The following RAD51AP2 variants were observed in gnomAD, a reference collection of about 807,000 sequenced individuals.
The protein encoded by RAD51AP2 is RAD51 associated protein 2, also known as RAD51-associated protein 2.
RAD51AP2 carries 67 observed loss-of-function variants against 85.5 expected under a neutral mutation model. That is an observed-to-expected ratio of 0.78 (90% CI 0.64 to 0.96). RAD51AP2 has a LOEUF of 0.96. Among genes scored for constraint, RAD51AP2 ranks in the 40% least tolerant of loss-of-function variants. The probability of loss-of-function intolerance (pLI) is 0.00; values close to 1 mark genes in which losing one functional copy is unlikely to be tolerated. For synonymous variants in RAD51AP2, 474 were observed against 446.5 expected, an observed-to-expected ratio of 1.06 and a Z score of -0.78; for missense variants, 1,307 against 1,332.4, an observed-to-expected ratio of 0.98 and a Z score of 0.30.
chr2:17,513,898 T>G (rs1011293002), intron 2 of RAD51AP2, 114 bp downstream of exon 2: 2 of 655,494 alleles, frequency 3.1e-6, no homozygotes, highest in East Asian at 5.7e-5. Context: ...TAAAAGGTGC[T>G]AAAACTTTGT....
the RAD51AP2 span, among the ~76,000 whole-genome samples, chr2:17,537,494 G>A: frequency 1.3e-5 from 2 of 151,870 alleles, no homozygotes; most frequent in Admixed American, 1.3e-4. Flanking sequence ...TTCAATTCCG[G>A]TCTCTTTTCA....
chr2:17,532,026 T>C, the RAD51AP2 span, among the ~76,000 whole-genome samples: 1 of 151,416 alleles, frequency 6.6e-6, no homozygotes, highest in African/African-American at 2.4e-5. Flanking sequence ...TCGGCAATTT[T>C]CACAGTAAAA....
rs746460172 is a variant in RAD51AP2 at position 17,516,495 on chromosome 2, C to CT, written c.1920dup (p.Asp641ArgfsTer2). The CT allele has an allele frequency of 3.9e-6, 6 of 1,540,294 alleles. No homozygotes were observed. The South Asian group carries it at 7.2e-5, about 19-fold the overall frequency. ...TTCTTTAACATAGGTTTCATATTAT[C>CT]TTCTAATAGTCTTGAAGAAGTTAAA... On this transcript the variant is annotated frameshift_variant, in exon 1 of 3. Coordinates refer to ENST00000399080, the MANE Select transcript of RAD51AP2 (RefSeq NM_001099218.3). LOFTEE classifies it high-confidence loss of function.
At chr2:17,519,771 A>G (rs558298471), upstream of RAD51AP2, among the ~76,000 whole-genome samples, 3 of 152,278 alleles carry the variant, frequency 2.0e-5, no homozygotes, top group African/African-American at 7.2e-5. Flanking sequence ...TCCAAGTTCT[A>G]CTTCTGTGTA....
At chr2:17,531,254 C>T in the RAD51AP2 span, among the ~76,000 whole-genome samples, 2 of 152,190 alleles carry the variant, frequency 1.3e-5, no homozygotes, top group East Asian at 3.9e-4. Flanking sequence ...GGCCATTTAC[C>T]AACAAAGTAA....
chr2:17,517,225 A>G lies in RAD51AP2; in HGVS notation c.1191T>C (p.Cys397=), dbSNP rs747731706. The G allele has an allele frequency of 2.5e-6, 4 of 1,613,906 alleles. No homozygotes were observed. In the East Asian group the frequency reaches 6.7e-5, roughly 27 times the overall value. The change falls in exon 1 of 3, where the codon TGT becomes TGC. Residue 397 remains cysteine, a synonymous_variant. Coordinates refer to ENST00000399080, the MANE Select transcript of RAD51AP2 (RefSeq NM_001099218.3). ...TTCTTCTCAAAATATGTCTAACGTT[A>G]CAGTCCCAGTTTTGAGATTTTTCCA... is the stretch of plus-strand genomic sequence containing the variant. ...TRLEKSQNWD[C]NVRHILRRNR...
In RAD51AP2 at chr2:17,516,161, T is replaced by A. The variant is rs889706344; in HGVS notation, c.2255A>T (p.Asn752Ile). ...IQNNRGYINE[N>I]FYEVNMHSQD... ...GCTGTGCATATTTACTTCATAAAAATTTTCATTAATGTATCCTCGGTTGTT... is the reference window on the plus strand; with the variant it reads ...GCTGTGCATATTTACTTCATAAAAAATTTCATTAATGTATCCTCGGTTGTT... The change falls in exon 1 of 3, where the codon AAT becomes ATT. Residue 752 changes from asparagine (N) to isoleucine (I), a missense_variant. Asn to Ile is a moderately radical substitution (Grantham distance 149). This residue lies in a region of RAD51AP2 where 668 missense variants were observed against 671.0 expected (regional missense o/e 1.00). Coordinates refer to ENST00000399080, the MANE Select transcript of RAD51AP2 (RefSeq NM_001099218.3). 2.5e-6 allele frequency: 4 copies of A among 1,613,378 alleles called. No homozygotes were observed. The highest frequency in any genetic ancestry group is 1.7e-5 in the Admixed American group (1 of 59,960).
At chr2:17,525,778 A>C in the RAD51AP2 span, among the ~76,000 whole-genome samples, 1 of 152,006 alleles carries the variant, frequency 6.6e-6, no homozygotes, top group African/African-American at 2.4e-5. Context: ...ACTTTCTTAA[A>C]AGTTATCTGG....
intron 1 of RAD51AP2, 122 bp downstream of exon 1, chr2:17,515,047 C>A: frequency 2.9e-6 from 2 of 681,014 alleles, no homozygotes; most frequent in Non-Finnish European, 4.5e-6. Context: ...CATCAATAAA[C>A]ATTGTCTTGC....
intron 2 of RAD51AP2, 40 bp from the exon 3 acceptor site, chr2:17,510,995 T>A (rs1487692317): frequency 7.1e-7 from 1 of 1,400,278 alleles, no homozygotes; most frequent in Non-Finnish European, 9.7e-7. Flanking sequence ...TTATCAATAG[T>A]TTCTATGCCT....
At chr2:17,522,200 C>A (rs1034760394), upstream of RAD51AP2, among the ~76,000 whole-genome samples, 1 of 152,034 alleles carries the variant, frequency 6.6e-6, no homozygotes, top group Non-Finnish European at 1.5e-5. Context: ...GAAAGTTCCT[C>A]ATAGTTCAGT....
At position 17,518,143 on chromosome 2, in the gene RAD51AP2, C is replaced by T. The variant is rs1662752155; in HGVS notation, c.273G>A (p.Glu91=). 6.2e-7 allele frequency: 1 copy of T among 1,614,214 alleles called. No individual in the cohort carries two copies. Among genetic ancestry groups the T allele is most frequent in the East Asian group, 2.2e-5 (1 of 44,874 alleles). Residue 91 remains glutamate, a synonymous_variant, in exon 1 of 3, where the codon GAG becomes GAA. Transcript: ENST00000399080. ...ATATCTGCTTCCCACTGACTGATTT[C>T]TCCACACACGAGTCTGTGGAGTTAT... ...IFDNSTDSCV[E]KSVSGKQICN...
At position 17,518,168 on chromosome 2, in the gene RAD51AP2, T is replaced by A; in HGVS notation, c.248A>T (p.Asp83Val). The stretch of plus-strand genomic sequence containing the variant: ...CTCCACACACGAGTCTGTGGAGTTA[T>A]CGAAAATAGCATTCGTTGAAACAAG... ...GLLVSTNAIF[D>V]NSTDSCVEKS... The change falls in exon 1 of 3, where the codon GAT becomes GTT. Residue 83 changes from aspartate (D) to valine (V), a missense_variant. By Grantham distance (152) the Asp-to-Val change is radical (BLOSUM62 -3). Transcript: ENST00000399080. The A allele has an allele frequency of 6.2e-7, 1 of 1,614,228 alleles. No homozygotes were observed. Among genetic ancestry groups the A allele is most frequent in the Non-Finnish European group, 8.5e-7 (1 of 1,180,040 alleles).
Position 17,517,770 on chromosome 2 carries a change from T to C in RAD51AP2, c.646A>G (p.Ser216Gly), listed in dbSNP as rs762263172. ...TCTCTTTTATTTGATGGCACAACAC[T>C]GTTAGCTTTACATCTGTTCTTAATT... ...HEIKNRCKAN[S>G]VVPSNKRENN... is the part of the protein sequence containing the mutation. Residue 216 changes from serine to glycine, a missense_variant, in exon 1 of 3, where the codon AGT becomes GGT. Coordinates refer to ENST00000399080, the MANE Select transcript of RAD51AP2 (RefSeq NM_001099218.3). 1.2e-6 allele frequency: 2 copies of C among 1,614,034 alleles called. No individual in the cohort carries two copies. Among genetic ancestry groups the C allele is most frequent in the Non-Finnish European group, 1.7e-6 (2 of 1,179,874 alleles).
In RAD51AP2 at chr2:17,518,120, ATC is replaced by A; in HGVS notation, c.294_295del (p.Gln98HisfsTer3). 1 of 1,614,236 alleles carries A rather than the reference ATC, an allele frequency of 6.2e-7. No individual in the cohort carries two copies. The highest frequency in any genetic ancestry group is 8.5e-7 in the Non-Finnish European group (1 of 1,180,048). ...GAGATTTGAGCATTTCAGATTACAT[ATC>A]TGCTTCCCACTGACTGATTTCTCCA... On this transcript the variant is annotated frameshift_variant, in exon 1 of 3. Coordinates refer to ENST00000399080, the MANE Select transcript of RAD51AP2 (RefSeq NM_001099218.3). LOFTEE classifies it high-confidence loss of function.
Position 17,516,101 on chromosome 2 carries a change from T to C in RAD51AP2, c.2315A>G (p.Asn772Ser). 6.2e-7 allele frequency: 1 copy of C among 1,612,704 alleles called. No homozygotes were observed. The highest frequency in any genetic ancestry group is 8.5e-7 in the Non-Finnish European group (1 of 1,179,572). Residue 772 changes from asparagine (N) to serine (S), a missense_variant, in exon 1 of 3, where the codon AAT becomes AGT. Around this residue, in one of 3 missense-constraint regions of RAD51AP2, gnomAD observed 668 missense variants for 671.0 expected, o/e 1.00. Transcript: ENST00000399080. ...DLNMERKQGH[N>S]KISNFDCEHI... ...CTCACAGTCAAAGTTACTGATCTTATTATGTCCCTGTTTTCTTTCCATATT... is the reference window on the plus strand; with the variant it reads ...CTCACAGTCAAAGTTACTGATCTTACTATGTCCCTGTTTTCTTTCCATATT...
chr2:17,517,890 T>G lies in RAD51AP2; in HGVS notation c.526A>C (p.Lys176Gln). The change falls in exon 1 of 3, where the codon AAA becomes CAA. Residue 176 changes from lysine to glutamine, a missense_variant. Coordinates refer to ENST00000399080, the MANE Select transcript of RAD51AP2 (RefSeq NM_001099218.3). ...DIHGIRNENR[K>Q]QQFVQGRDNV... ...TCTCTTCCTTGGACAAACTGTTGTT[T>G]TCGATTCTCATTTCTAATTCCATGT... 6.2e-7 allele frequency: 1 copy of G among 1,614,220 alleles called. No individual in the cohort carries two copies. Among genetic ancestry groups the G allele is most frequent in the East Asian group, 2.2e-5 (1 of 44,888 alleles).
chr2:17,529,355 T>A, the RAD51AP2 span, among the ~76,000 whole-genome samples: 2 of 152,096 alleles, frequency 1.3e-5, no homozygotes, highest in East Asian at 3.9e-4. Context: ...TGCAGAATTA[T>A]GTATCATAGT....
At chr2:17,537,816 G>C in the RAD51AP2 span, among the ~76,000 whole-genome samples, 1 of 152,146 alleles carries the variant, frequency 6.6e-6, no homozygotes, top group African/African-American at 2.4e-5. Flanking sequence ...TGGAAGTAAG[G>C]CTAGAAATTT....
Sources: gnomAD v4.1 joint callset for allele counts (sites outside exome capture counted in the v4.1 genomes callset) on GRCh38, gnomAD v4.1.1 for gene constraint, gnomAD v4.1.1 regional missense constraint, MANE v1.5 for transcripts, NCBI Gene and HGNC (gene_info 2026-07-23, HGNC 2026-07-21) for gene names.